Variants in SRSF11 observed in about 807,000 individuals in gnomAD.
The protein encoded by SRSF11 is serine and arginine rich splicing factor 11, also known as serine/arginine-rich splicing factor 11.
A neutral mutation model predicts 56.0 loss-of-function variants in SRSF11; 9 were observed. That is an observed-to-expected ratio of 0.16 (90% CI 0.10 to 0.28). The LOEUF is 0.28. SRSF11 is among the 10% of genes least tolerant of loss of function. SRSF11 has a pLI of 1.00. For missense variants in SRSF11, 421 were observed against 600.7 expected, an observed-to-expected ratio of 0.70 and a Z score of 3.13; for synonymous variants, 222 against 215.3, an observed-to-expected ratio of 1.03 and a Z score of -0.27.
rs758059587 is a variant in SRSF11 at position 70,250,006 on chromosome 1, G to T, written c.1077G>T (p.Arg359=). Residue 359 remains arginine, a synonymous_variant, in exon 10 of 12, where the codon CGG becomes CGT. Coordinates refer to ENST00000370949, the MANE Select transcript of SRSF11 (RefSeq NM_001350605.2). ...GCACAAGATCTCCTAAAAAGCCTCG[G>T]TCTCCTAAAAGAAAATTGTCCCGCT... The part of the protein sequence containing the change: ...RSGTRSPKKP[R]SPKRKLSRSP... 1.2e-6 allele frequency: 2 copies of T among 1,613,954 alleles called. No homozygotes were observed. Among genetic ancestry groups the T allele is most frequent in the African/African-American group, 2.7e-5 (2 of 74,910 alleles).
rs773076152 is a variant in SRSF11 at position 70,249,985 on chromosome 1, A to G, written c.1056A>G (p.Thr352=). The G allele has an allele frequency of 6.2e-7, 1 of 1,614,122 alleles. No homozygotes were observed. Among genetic ancestry groups the G allele is most frequent in the East Asian group, 2.2e-5 (1 of 44,878 alleles). ...GACGACGAAGAAGCAGGAGTGGCAC[A>G]AGATCTCCTAAAAAGCCTCGGTCTC... ...ERRRRRSRSG[T]RSPKKPRSPK... Residue 352 remains threonine (T), a synonymous_variant, in exon 10 of 12, where the codon ACA becomes ACG. Coordinates refer to ENST00000370949, the MANE Select transcript of SRSF11 (RefSeq NM_001350605.2).
intron 7 of SRSF11, among the ~76,000 whole-genome samples, chr1:70,242,482 T>TTTTTTTTTTTTTA (rs56304869): frequency 1.3e-5 from 2 of 151,174 alleles, no homozygotes; most frequent in South Asian, 2.1e-4. Flanking sequence ...CTTTTTTTTT[T>TTTTTTTTTTTTTA]ATGTAGAGAC....
At chr1:70,239,415 A>G (rs1387899141) in intron 6 of SRSF11, 24 bp from the exon 7 acceptor site, 1 of 1,539,534 alleles carries the variant, frequency 6.5e-7, no homozygotes, top group East Asian at 2.3e-5. Flanking sequence ...TTCTAAATGC[A>G]GGTTCCTTTT....
intron 2 of SRSF11, chr1:70,228,799 C>A: frequency 8.7e-7 from 1 of 1,149,992 alleles, no homozygotes; most frequent in South Asian, 3.2e-5. Context: ...TGTTTAAAAC[C>A]ATGTCCCTTA....
intron 5 of SRSF11, among the ~76,000 whole-genome samples, chr1:70,237,087 A>C (rs1674280594): frequency 6.6e-6 from 1 of 152,080 alleles, no homozygotes; most frequent in African/African-American, 2.4e-5. Flanking sequence ...ACACCGGCCC[A>C]AAAATTTTTA....
chr1:70,239,657 C>A (rs1415368029), intron 7 of SRSF11, 137 bp downstream of exon 7: 32 of 591,376 alleles, frequency 5.4e-5, no homozygotes, highest in Admixed American at 1.1e-4. Flanking sequence ...GTGTGAATGA[C>A]TGTTCACACA....
intron 7 of SRSF11, among the ~76,000 whole-genome samples, chr1:70,243,134 A>G (rs1246283273): frequency 6.6e-6 from 1 of 152,030 alleles, no homozygotes; most frequent in Non-Finnish European, 1.5e-5. Context: ...CTATATTAGT[A>G]CATCAGTAAG....
chr1:70,223,680 A>G (rs1331396824), intron 1 of SRSF11, among the ~76,000 whole-genome samples: 1 of 152,240 alleles, frequency 6.6e-6, no homozygotes, highest in Non-Finnish European at 1.5e-5. Flanking sequence ...AAATGTTATT[A>G]GTGGCCTTCT....
chr1:70,237,401 T>A (rs199837001), intron 5 of SRSF11, 24 bp from the exon 6 acceptor site: 104 of 1,608,556 alleles, frequency 6.5e-5, no homozygotes, highest in Non-Finnish European at 8.0e-5. Context: ...ATATTTCAGA[T>A]CCCATTTCTT....
In SRSF11 at chr1:70,228,397, TTTATG is replaced by T. The variant is rs1302807941; in HGVS notation, c.204-20_204-16del. 1.3e-5 allele frequency: 20 copies of T among 1,568,256 alleles called. No homozygotes were observed. Among genetic ancestry groups the T allele is most frequent in the Non-Finnish European group, 1.7e-5 (19 of 1,142,376 alleles). ...GTTTTAACTGCTATTCTGTTTCTCT[TTTATG>T]TTATTTGTTTATTTTTTAGTGATTC... On this transcript the variant is annotated intron_variant, in intron 1 of 11. Coordinates refer to ENST00000370949, the MANE Select transcript of SRSF11 (RefSeq NM_001350605.2).
intron 1 of SRSF11, among the ~76,000 whole-genome samples, chr1:70,214,989 C>T (rs2100517624): frequency 6.6e-6 from 1 of 150,490 alleles, no homozygotes; most frequent in East Asian, 2.0e-4. Flanking sequence ...GCCTCCGCCT[C>T]CTGGGTTCAA....
chr1:70,239,645 A>T, intron 7 of SRSF11, 125 bp downstream of exon 7: 1 of 639,912 alleles, frequency 1.6e-6, no homozygotes, highest in East Asian at 3.0e-5. Flanking sequence ...TGCTGTTAGA[A>T]TGTGTGAATG....
At chr1:70,244,312 C>CAAATAAG (rs1676237691) in intron 7 of SRSF11, among the ~76,000 whole-genome samples, 1 of 151,892 alleles carries the variant, frequency 6.6e-6, no homozygotes, top group African/African-American at 2.4e-5. Flanking sequence ...AATGAGGAAT[C>CAAATAAG]AAATAAGAAA....
In SRSF11 at chr1:70,243,361, A is replaced by G. The variant is rs1350319316; in HGVS notation, c.801-1323A>G. On this transcript the variant is annotated intron_variant, in intron 7 of 11. Coordinates refer to ENST00000370949, the MANE Select transcript of SRSF11 (RefSeq NM_001350605.2). Reference sequence around the variant, plus strand: ...CAAAAAAAAAAAAAAAAAAAAAAAAAAAAAAAAAAAAACACAGTGTGTAGG... The same window carrying G: ...CAAAAAAAAAAAAAAAAAAAAAAAAGAAAAAAAAAAAACACAGTGTGTAGG... 2.1e-5 allele frequency among the ~76,000 whole-genome samples: 3 copies of G among 142,020 alleles called. No homozygotes were observed. The East Asian group carries it at 5.9e-4, about 28-fold the overall frequency. 93.2% of individuals were successfully genotyped at this position (142,020 alleles called of 152,430 possible).
At chr1:70,228,275 G>C in intron 1 of SRSF11, 147 bp from the exon 2 acceptor site, 1 of 584,182 alleles carries the variant, frequency 1.7e-6, no homozygotes. Flanking sequence ...GTATATGATT[G>C]AGAATGTTTT....
chr1:70,242,095 G>A (rs1199473855), intron 7 of SRSF11, among the ~76,000 whole-genome samples: 1 of 151,572 alleles, frequency 6.6e-6, no homozygotes, highest in African/African-American at 2.4e-5. Context: ...CTTGAACCCC[G>A]GAGGCGGGGA....
chr1:70,252,817 CT>C lies in SRSF11; in HGVS notation c.*2013del, dbSNP rs1385611501. ...TCTGAATACAAATATACTAGCTTTT[CT>C]AAAGGGAATCATTTTTTTAAAAGTA... On this transcript the variant is annotated 3_prime_UTR_variant, in exon 12 of 12. Transcript: ENST00000370949. 6.6e-6 allele frequency: 1 copy of C among 152,102 alleles called. No individual in the cohort carries two copies. The highest frequency in any genetic ancestry group is 1.9e-4 in the East Asian group (1 of 5,198). 9.4% of individuals were successfully genotyped at this position (152,102 alleles called of 1,614,324 possible).
At chr1:70,232,995 A>G (rs992524664) in intron 3 of SRSF11, among the ~76,000 whole-genome samples, 1 of 152,210 alleles carries the variant, frequency 6.6e-6, no homozygotes, top group Admixed American at 6.5e-5. Context: ...AATGAGCCTC[A>G]ACTGGAAATT....
chr1:70,217,558 A>G (rs1331487390), upstream of SRSF11, among the ~76,000 whole-genome samples: 1 of 152,186 alleles, frequency 6.6e-6, no homozygotes, highest in Non-Finnish European at 1.5e-5. Context: ...CAGCTGGGAA[A>G]ATCCTTGGAA....
Sources: allele counts gnomAD v4.1 joint callset (sites outside exome capture counted in the v4.1 genomes callset), GRCh38; gene constraint gnomAD v4.1.1; transcripts MANE v1.5; gene names NCBI Gene and HGNC (gene_info 2026-07-23, HGNC 2026-07-21).